The following PRKG1 variants were observed in gnomAD, a reference collection of about 807,000 sequenced individuals.
PRKG1 encodes the protein cGMP-dependent protein kinase 1.
A neutral mutation model predicts 88.1 loss-of-function variants in PRKG1; 35 were observed. The ratio of observed to expected loss-of-function variants is 0.40; its 90% CI spans 0.30 to 0.53. PRKG1 has a LOEUF of 0.53. Ranked by LOEUF, PRKG1 falls within the 20% of genes least tolerant of loss-of-function variation. The pLI, the probability that PRKG1 is intolerant of heterozygous loss-of-function variation, is 0.59. For missense variants in PRKG1, 540 were observed against 839.8 expected, an observed-to-expected ratio of 0.64 and a Z score of 4.41; for synonymous variants, 303 against 292.5, an observed-to-expected ratio of 1.04 and a Z score of -0.37.
At chr10:51,249,020 G>A (rs1240607840) in intron 2 of PRKG1, among the ~76,000 whole-genome samples, 1 of 151,734 alleles carries the variant, frequency 6.6e-6, no homozygotes, top group Non-Finnish European at 1.5e-5. Context: ...TCTGGCTCAT[G>A]GAGATTAAAA....
chr10:51,065,498 A>G (rs886088627), intron 1 of PRKG1, among the ~76,000 whole-genome samples: 1 of 152,070 alleles, frequency 6.6e-6, no homozygotes, highest in Non-Finnish European at 1.5e-5. Flanking sequence ...TTTTTTTTCC[A>G]TAAAAGAAAA....
intron 9 of PRKG1, among the ~76,000 whole-genome samples, chr10:52,221,204 T>C (rs1840236627): frequency 6.6e-6 from 1 of 152,168 alleles, no homozygotes; most frequent in Non-Finnish European, 1.5e-5. Flanking sequence ...AAATGTCATC[T>C]TGATGGGCTA....
At chr10:51,506,360 G>T (rs1477099806) in intron 3 of PRKG1, among the ~76,000 whole-genome samples, 1 of 152,080 alleles carries the variant, frequency 6.6e-6, no homozygotes, top group Non-Finnish European at 1.5e-5. Context: ...CCATCAGAGT[G>T]AACAGGCAAC....
chr10:51,770,078 A>G (rs759984246), intron 3 of PRKG1, among the ~76,000 whole-genome samples: 1 of 152,170 alleles, frequency 6.6e-6, no homozygotes, highest in Non-Finnish European at 1.5e-5. Context: ...TCACCCCTCA[A>G]ACTGGATGTA....
At chr10:51,157,463 T>A (rs1207971288) in intron 2 of PRKG1, among the ~76,000 whole-genome samples, 4 of 151,940 alleles carry the variant, frequency 2.6e-5, no homozygotes, top group Non-Finnish European at 5.9e-5. Flanking sequence ...AATTATGAGG[T>A]AGCATGTGTT....
intron 2 of PRKG1, among the ~76,000 whole-genome samples, chr10:51,220,067 A>T (rs1838487993): frequency 6.6e-6 from 1 of 152,246 alleles, no homozygotes; most frequent in South Asian, 2.1e-4. Context: ...CAGAAGAGGA[A>T]GTCAGAGAGA....
chr10:51,638,449 T>C (rs1228802331), intron 3 of PRKG1, among the ~76,000 whole-genome samples: 4 of 152,174 alleles, frequency 2.6e-5, no homozygotes, highest in Non-Finnish European at 4.4e-5. Flanking sequence ...AGATATATTA[T>C]AAATATTCAA....
chr10:50,991,245 C>G lies in PRKG1; in HGVS notation c.-134C>G. On this transcript the variant is annotated 5_prime_UTR_variant, in exon 1 of 18. Transcript: ENST00000401604. This position sits in a 1 kb window ranked among gnomAD's most constrained non-coding sequence, Gnocchi z 4.5. The stretch of plus-strand genomic sequence containing the variant: ...GCGCCGCATTAGGGGCGCACTCCGC[C>G]GCGCTCGAGTACTTAGCGCCCATTC... The G allele has an allele frequency of 1.5e-6, 2 of 1,315,546 alleles. No individual in the cohort carries two copies. The highest frequency in any genetic ancestry group is 2.0e-6 in the Non-Finnish European group (2 of 994,202). 81.5% of individuals were successfully genotyped at this position (1,315,546 alleles called of 1,614,324 possible).
intron 2 of PRKG1, among the ~76,000 whole-genome samples, chr10:51,295,410 C>A (rs1026860598): frequency 2.6e-5 from 4 of 151,844 alleles, no homozygotes; most frequent in African/African-American, 9.7e-5. Context: ...GGATTGTTTT[C>A]TTAATTTTCC....
At chr10:51,396,455 T>C (rs962148553) in intron 2 of PRKG1, among the ~76,000 whole-genome samples, 5 of 152,068 alleles carry the variant, frequency 3.3e-5, no homozygotes, top group African/African-American at 1.2e-4. Flanking sequence ...ATTAATTTAG[T>C]ACCCAAGTAA....
intron 2 of PRKG1, among the ~76,000 whole-genome samples, chr10:51,435,332 T>C (rs1838892096): frequency 6.6e-6 from 1 of 151,542 alleles, no homozygotes; most frequent in African/African-American, 2.4e-5. Context: ...CAGTTTGCAT[T>C]TCCTGAACTT....
chr10:51,601,261 A>G (rs1564568160), intron 3 of PRKG1, among the ~76,000 whole-genome samples: 1 of 152,304 alleles, frequency 6.6e-6, no homozygotes, highest in East Asian at 1.9e-4. Context: ...TGAATGAATG[A>G]ATCTCCTTTG....
At chr10:51,758,168 ATTGT>A (rs926414496) in intron 3 of PRKG1, among the ~76,000 whole-genome samples, 7 of 152,208 alleles carry the variant, frequency 4.6e-5, no homozygotes, top group Non-Finnish European at 8.8e-5. Context: ...ATGTGATATT[ATTGT>A]TTAATTGTCC....
chr10:51,569,338 C>T (rs202104612), intron 3 of PRKG1, among the ~76,000 whole-genome samples: 2 of 151,960 alleles, frequency 1.3e-5, no homozygotes, highest in African/African-American at 4.8e-5. Flanking sequence ...GGGTTTGATA[C>T]GGTTTGTCTT....
intron 10 of PRKG1, among the ~76,000 whole-genome samples, chr10:52,263,828 C>T (rs1841496739): frequency 6.6e-6 from 1 of 152,082 alleles, no homozygotes; most frequent in Admixed American, 6.6e-5. Context: ...ACCTCAGCCT[C>T]CCAAAGTGCT....
intron 9 of PRKG1, among the ~76,000 whole-genome samples, chr10:52,249,914 G>A (rs1402789430): frequency 2.6e-5 from 4 of 152,176 alleles, no homozygotes; most frequent in African/African-American, 7.2e-5. Flanking sequence ...CAACAAACAC[G>A]TGGATTATTA....
chr10:51,884,444 CAAAAAAAAA>C (rs57229967), intron 4 of PRKG1, among the ~76,000 whole-genome samples: 15 of 70,034 alleles, frequency 2.1e-4, no homozygotes, highest in African/African-American at 5.5e-4. Context: ...AACTCCGTCT[CAAAAAAAAA>C]AAAAAAAAAA....
intron 3 of PRKG1, among the ~76,000 whole-genome samples, chr10:51,699,842 C>A (rs1182924985): frequency 6.6e-6 from 1 of 152,214 alleles, no homozygotes; most frequent in Non-Finnish European, 1.5e-5. Context: ...CCCACTACGA[C>A]ACGCTTGGTA....
intron 5 of PRKG1, among the ~76,000 whole-genome samples, chr10:51,929,084 G>C (rs1842635700): frequency 6.6e-6 from 1 of 152,108 alleles, no homozygotes; most frequent in Non-Finnish European, 1.5e-5. Flanking sequence ...CAAGAAAGCT[G>C]AATATAGAAG....
Sources: gnomAD v4.1 joint callset for allele counts (sites outside exome capture counted in the v4.1 genomes callset) on GRCh38, gnomAD v4.1.1 for gene constraint, Gnocchi (gnomAD v3.1) non-coding constraint, MANE v1.5 for transcripts, NCBI Gene and HGNC (gene_info 2026-07-23, HGNC 2026-07-21) for gene names.